The following CFDP1 variants were observed in gnomAD, a reference collection of about 807,000 sequenced individuals.
CFDP1 encodes chromatin remodeling protein CFDP1, also known as heterochromatin-stabilizing protein CFDP1.
In CFDP1, 31 loss-of-function variants were observed where a neutral mutation model predicts 40.1. The observed-to-expected ratio is 0.77, with a 90% CI of 0.58 to 1.04. CFDP1 has a LOEUF of 1.04. Among genes scored for constraint, CFDP1 ranks in the 50% least tolerant of loss-of-function variants. CFDP1 has a pLI of 0.00. For missense variants in CFDP1, 423 were observed against 343.4 expected (o/e 1.23, Z -1.83); for synonymous variants, 167 against 120.0 (o/e 1.39, Z -2.56).
intron 4 of CFDP1, among the ~76,000 whole-genome samples, chr16:75,408,514 TCA>T (rs1161616207): frequency 1.1e-4 from 16 of 152,058 alleles, no homozygotes; most frequent in African/African-American, 3.9e-4. Context: ...GTGCAGTGGC[TCA>T]CACTGTAATT....
chr16:75,342,584 C>T (rs866358836), intron 5 of CFDP1, among the ~76,000 whole-genome samples: 64 of 152,288 alleles, frequency 4.2e-4, no homozygotes, highest in African/African-American at 1.5e-3. Flanking sequence ...AGTTAGAGTT[C>T]TGCCTGGCCC....
intron 4 of CFDP1, among the ~76,000 whole-genome samples, chr16:75,406,864 T>C (rs1475498627): frequency 1.3e-5 from 2 of 151,548 alleles, no homozygotes; most frequent in East Asian, 3.9e-4. Context: ...CTACTAAAAA[T>C]ACAAAAATTA....
At chr16:75,297,146 T>TGTGTGTGTGTG (rs1491503380) in intron 6 of CFDP1, among the ~76,000 whole-genome samples, 7,190 of 132,766 alleles carry the variant, frequency 0.054, 712 homozygotes, top group Admixed American at 0.088. Context: ...TTCCCATTTC[T>TGTGTGTGTGTG]TGTGTGTGTG....
In CFDP1 at chr16:75,380,557, GA is replaced by G. The variant is rs932861576; in HGVS notation, c.650+14532del. Among the ~76,000 whole-genome samples, 98 of 142,702 alleles carry G rather than the reference GA, an allele frequency of 6.9e-4. 1 individual carries two copies. Among genetic ancestry groups the G allele is most frequent in the African/African-American group, 1.2e-3 (46 of 39,028 alleles). The allele number at this position is 142,702 out of a possible 152,430, so 93.6% of individuals were successfully genotyped here. A position where few individuals can be genotyped will look rare whatever the true frequency, so the allele number is the denominator to read the frequency against. ...ATCCTCAATGAAAGGAAAGAGTTAGGAAAAAAAAAAAATCACATAACAGCCC... is the reference window on the plus strand; with the variant it reads ...ATCCTCAATGAAAGGAAAGAGTTAGGAAAAAAAAAAATCACATAACAGCCC... On this transcript the variant is annotated intron_variant, in intron 5 of 6. Coordinates refer to ENST00000283882, the MANE Select transcript of CFDP1 (RefSeq NM_006324.3).
At chr16:75,303,478 T>C in intron 6 of CFDP1, among the ~76,000 whole-genome samples, 1 of 149,626 alleles carries the variant, frequency 6.7e-6, no homozygotes, top group Non-Finnish European at 1.5e-5. Flanking sequence ...ATTTAGATAA[T>C]CTTGAAGCCT....
rs138592893 is a variant in CFDP1 at position 75,381,047 on chromosome 16, T to C, written c.650+14043A>G. 2.6e-3 allele frequency among the ~76,000 whole-genome samples: 399 copies of C among 152,232 alleles called. 2 individuals carry two copies. Among genetic ancestry groups the C allele is most frequent in the African/African-American group, 7.8e-3 (324 of 41,528 alleles). On this transcript the variant is annotated intron_variant, in intron 5 of 6. Coordinates refer to ENST00000283882, the MANE Select transcript of CFDP1 (RefSeq NM_006324.3). ...GCCAAATTACCCCAGCAGTGGCACG[T>C]AGAGTGGAGAGAGGAAGAGTGACTA...
At chr16:75,335,199 C>A (rs1166094168) in intron 5 of CFDP1, among the ~76,000 whole-genome samples, 1 of 152,172 alleles carries the variant, frequency 6.6e-6, no homozygotes, top group Non-Finnish European at 1.5e-5. Context: ...GCTTCAAACG[C>A]CCTGAGGTAT....
rs566223345 is a variant in CFDP1 at position 75,367,416 on chromosome 16, A to G, written c.650+27674T>C. 2.1e-4 allele frequency among the ~76,000 whole-genome samples: 31 copies of G among 145,348 alleles called. 1 individual carries two copies. The South Asian group carries it at 6.4e-3, about 30-fold the overall frequency. On this transcript the variant is annotated intron_variant, in intron 5 of 6. Coordinates refer to ENST00000283882, the MANE Select transcript of CFDP1 (RefSeq NM_006324.3). ...TGTAACAAACCTGCACATTCTGCAC[A>G]TGTACTCCAGAACTAAAAAAAAAAA...
intron 5 of CFDP1, among the ~76,000 whole-genome samples, chr16:75,375,309 C>T (rs1170606350): frequency 6.6e-6 from 1 of 152,100 alleles, no homozygotes; most frequent in African/African-American, 2.4e-5. Context: ...GCATTTACAT[C>T]TGACAAACTA....
chr16:75,425,538 G>C (rs1356953553), intron 1 of CFDP1, among the ~76,000 whole-genome samples: 7 of 151,856 alleles, frequency 4.6e-5, no homozygotes, highest in Non-Finnish European at 1.0e-4. Context: ...TGGAAACAGA[G>C]GCCCAGAAAT....
intron 5 of CFDP1, among the ~76,000 whole-genome samples, chr16:75,367,722 G>A (rs2078725055): frequency 6.6e-6 from 1 of 150,996 alleles, no homozygotes; most frequent in East Asian, 1.9e-4. Flanking sequence ...GAACCCCGGA[G>A]GCAGAGGTTG....
intron 4 of CFDP1, among the ~76,000 whole-genome samples, chr16:75,405,445 A>T (rs1221103434): frequency 6.6e-6 from 1 of 151,694 alleles, no homozygotes; most frequent in Non-Finnish European, 1.5e-5. Flanking sequence ...GGATAAACCC[A>T]TCTATACAAA....
At chr16:75,399,967 G>A (rs1037070976) in intron 4 of CFDP1, among the ~76,000 whole-genome samples, 3 of 151,748 alleles carry the variant, frequency 2.0e-5, no homozygotes, top group African/African-American at 4.8e-5. Context: ...CAGTGGTGGT[G>A]GCACATGCCT....
At chr16:75,305,357 T>C in intron 5 of CFDP1, 175 bp from the exon 6 acceptor site, 1 of 625,032 alleles carries the variant, frequency 1.6e-6, no homozygotes, top group South Asian at 2.1e-5. Context: ...TAAACTGGAA[T>C]TCTAATGTGC....
intron 6 of CFDP1, among the ~76,000 whole-genome samples, chr16:75,304,818 G>A (rs1465834033): frequency 6.6e-6 from 1 of 152,126 alleles, no homozygotes; most frequent in Non-Finnish European, 1.5e-5. Context: ...CACATGCCCC[G>A]CCTTCCCTCC....
chr16:75,344,903 G>A (rs1400586928), intron 5 of CFDP1, among the ~76,000 whole-genome samples: 1 of 152,172 alleles, frequency 6.6e-6, no homozygotes, highest in Non-Finnish European at 1.5e-5. Context: ...CTGCACTCCA[G>A]CCTGGGCAAC....
intron 1 of CFDP1, among the ~76,000 whole-genome samples, chr16:75,422,579 G>C (rs938184002): frequency 6.6e-6 from 1 of 151,592 alleles, no homozygotes; most frequent in Non-Finnish European, 1.5e-5. Flanking sequence ...ATTTTTGGTA[G>C]AGACGGGGTT....
At chr16:75,426,218 C>G (rs982306575) in intron 1 of CFDP1, among the ~76,000 whole-genome samples, 4 of 151,698 alleles carry the variant, frequency 2.6e-5, no homozygotes, top group African/African-American at 9.7e-5. Flanking sequence ...GGCGTGGTGG[C>G]ACATGCCTGC....
intron 5 of CFDP1, among the ~76,000 whole-genome samples, chr16:75,357,700 T>G (rs1466125961): frequency 1.3e-5 from 2 of 152,210 alleles, no homozygotes; most frequent in Non-Finnish European, 2.9e-5. Context: ...GGGAATGTTG[T>G]GTGGTTGGTT....
Sources: allele counts gnomAD v4.1 joint callset (sites outside exome capture counted in the v4.1 genomes callset), GRCh38; gene constraint gnomAD v4.1.1; transcripts MANE v1.5; gene names NCBI Gene and HGNC (gene_info 2026-07-23, HGNC 2026-07-21).